STUM: variants seen among roughly 807,000 people sequenced by gnomAD.
The protein encoded by STUM is stum, mechanosensory transduction mediator homolog.
Under a neutral mutation model 15.3 loss-of-function variants are expected in STUM, and 8 were observed. The ratio of observed to expected loss-of-function variants is 0.52; its 90% CI spans 0.31 to 0.94. STUM has a LOEUF of 0.94. STUM is among the 40% of genes least tolerant of loss of function. STUM has a pLI of 0.05. For synonymous variants in STUM, 78 were observed against 88.7 expected (o/e 0.88, Z 0.68); for missense variants, 142 against 204.9 (o/e 0.69, Z 1.87).
rs377528432 is a variant in STUM at position 226,567,246 on chromosome 1, CTG to C, written c.202+18142_202+18143del. On this transcript the variant is annotated intron_variant, in intron 1 of 3. Transcript: ENST00000366788. The surrounding 1 kb of genome is among the most constrained non-coding windows in gnomAD (Gnocchi z 4.5). ...CTTGCTTTCAAAAAGCCTTTGAAGA[CTG>C]TCCGTCCTGGAGCTATCCAACGGGT... Among the ~76,000 whole-genome samples, 15 of 152,324 alleles carry C rather than the reference CTG, an allele frequency of 9.8e-5. No homozygotes were observed. Among genetic ancestry groups the C allele is most frequent in the African/African-American group, 2.6e-4 (11 of 41,588 alleles).
intron 2 of STUM, 59 bp downstream of exon 2, chr1:226,597,040 G>T: frequency 3.3e-6 from 5 of 1,505,376 alleles, no homozygotes; most frequent in South Asian, 1.1e-5. Flanking sequence ...GACAGGAAGG[G>T]CTTGGGAGAC....
rs1668249573 is a variant in STUM, at chr1:226,600,670, C to T, written c.387C>T (p.Ser129=). The change falls in exon 3 of 4, where the codon TCC becomes TCT. Residue 129 remains serine (S), a synonymous_variant. Transcript: ENST00000366788. The surrounding 1 kb of genome is among the most constrained non-coding windows in gnomAD (Gnocchi z 5.2). ...TCCCACTCTGTGCTGCTGCAGTTTC[C>T]CAAGGTGAGTCTGCGGATGGACGTG... ...WGMDMVILAI[S]QGYKEQGIPQ... is the part of the protein sequence containing the mutation. 1.2e-6 allele frequency: 2 copies of T among 1,611,156 alleles called. No individual in the cohort carries two copies. The highest frequency in any genetic ancestry group is 1.7e-6 in the Non-Finnish European group (2 of 1,180,018).
rs531371764 is a variant in STUM at position 226,579,570 on chromosome 1, A to G, written c.203-17232A>G. On this transcript the variant is annotated intron_variant, in intron 1 of 3. Coordinates refer to ENST00000366788, the MANE Select transcript of STUM (RefSeq NM_001003665.4). ...CGTGGAGGCCTCCCCAGGAAGCCTCACTGGCCGAGAAAGAGTTCAGTGGGG... is the reference window on the plus strand; with the variant it reads ...CGTGGAGGCCTCCCCAGGAAGCCTCGCTGGCCGAGAAAGAGTTCAGTGGGG... Among the ~76,000 whole-genome samples, 5 of 152,074 alleles carry G rather than the reference A, an allele frequency of 3.3e-5. No homozygotes were observed. The South Asian group carries it at 1.0e-3, about 32-fold the overall frequency.
chr1:226,562,021 A>C, intron 1 of STUM, among the ~76,000 whole-genome samples: 1 of 136,500 alleles, frequency 7.3e-6, no homozygotes, highest in Non-Finnish European at 1.6e-5. Context: ...GGTTGGGGGG[A>C]AGTGGGGAGT....
rs1388369597 is a variant in STUM at position 226,603,248 on chromosome 1, CA to C, written c.*1212del. On this transcript the variant is annotated 3_prime_UTR_variant, in exon 4 of 4. Coordinates refer to ENST00000366788, the MANE Select transcript of STUM (RefSeq NM_001003665.4). ...ATTACACAAGGACTCCTTCAGTTGC[CA>C]AAAGACCATGGGCCTCTTTAAGGAG... The C allele has an allele frequency of 7.2e-5, 11 of 152,164 alleles. No individual in the cohort carries two copies. Among genetic ancestry groups the C allele is most frequent in the Non-Finnish European group, 1.5e-5 (1 of 68,040 alleles). The allele number at this position is 152,164 out of a possible 1,614,324, so 9.4% of individuals were successfully genotyped here.
chr1:226,596,357 T>C (rs780394311), intron 1 of STUM, among the ~76,000 whole-genome samples: 4 of 152,144 alleles, frequency 2.6e-5, no homozygotes, highest in Non-Finnish European at 4.4e-5. Flanking sequence ...CTCTCCTGAA[T>C]TTACCTCTGA....
intron 1 of STUM, among the ~76,000 whole-genome samples, chr1:226,581,613 T>A (rs896876554): frequency 6.6e-6 from 1 of 152,182 alleles, no homozygotes; most frequent in Non-Finnish European, 1.5e-5. Flanking sequence ...TCTCACTCTG[T>A]TGCCCAGGCT....
intron 1 of STUM, among the ~76,000 whole-genome samples, chr1:226,592,912 G>A (rs768769738): frequency 1.9e-4 from 29 of 152,042 alleles, no homozygotes; most frequent in African/African-American, 3.6e-4. Flanking sequence ...CCACTTGGGC[G>A]CGGTGGCTCG....
chr1:226,577,225 C>T (rs1667831920), intron 1 of STUM, among the ~76,000 whole-genome samples: 1 of 152,210 alleles, frequency 6.6e-6, no homozygotes, highest in Admixed American at 6.5e-5. Context: ...CTTTGAAGGG[C>T]TCACAGCCAG....
chr1:226,598,418 C>G (rs1368631596), intron 2 of STUM, among the ~76,000 whole-genome samples: 5 of 152,212 alleles, frequency 3.3e-5, no homozygotes. Context: ...GAAGGAACCT[C>G]TGCATTAAAG....
At chr1:226,574,671 G>A (rs1667775175) in intron 1 of STUM, among the ~76,000 whole-genome samples, 2 of 152,250 alleles carry the variant, frequency 1.3e-5, no homozygotes, top group African/African-American at 2.4e-5. Flanking sequence ...GTTTCCAGAA[G>A]AGGAACTGAT....
chr1:226,582,078 C>T (rs967234494), intron 1 of STUM, among the ~76,000 whole-genome samples: 1 of 152,214 alleles, frequency 6.6e-6, no homozygotes, highest in Non-Finnish European at 1.5e-5. Flanking sequence ...CCAGAGCTGT[C>T]CCCAGCCTCC....
chr1:226,557,050 C>T (rs1479990783), intron 1 of STUM, among the ~76,000 whole-genome samples: 1 of 152,102 alleles, frequency 6.6e-6, no homozygotes, highest in Non-Finnish European at 1.5e-5. Context: ...CTATATTTAC[C>T]ACACTGTGCA....
intron 1 of STUM, among the ~76,000 whole-genome samples, chr1:226,575,897 A>T (rs1307287168): frequency 6.6e-6 from 1 of 152,240 alleles, no homozygotes; most frequent in Non-Finnish European, 1.5e-5. Context: ...CGTTGGCATC[A>T]GGCCAAGGGC....
chr1:226,592,001 T>A (rs193216571), intron 1 of STUM, among the ~76,000 whole-genome samples: 1 of 152,226 alleles, frequency 6.6e-6, no homozygotes, highest in East Asian at 1.9e-4. Context: ...TCAAGGATAT[T>A]TGAAAACCAT....
At chr1:226,562,212 T>A (rs1417122613) in intron 1 of STUM, among the ~76,000 whole-genome samples, 1 of 152,122 alleles carries the variant, frequency 6.6e-6, no homozygotes, top group Admixed American at 6.5e-5. Context: ...CTCACTTCTG[T>A]AATCCTAGCA....
intron 1 of STUM, among the ~76,000 whole-genome samples, chr1:226,563,751 C>T (rs1052476853): frequency 6.6e-6 from 1 of 152,232 alleles, no homozygotes; most frequent in African/African-American, 2.4e-5. Flanking sequence ...AATCAACAAC[C>T]AGTGACTTTG....
chr1:226,563,499 A>C (rs2102690065), intron 1 of STUM, among the ~76,000 whole-genome samples: 1 of 152,384 alleles, frequency 6.6e-6, no homozygotes, highest in East Asian at 1.9e-4. Context: ...TAACTCAGTT[A>C]AAGTGAGTTC....
chr1:226,579,099 C>T (rs1667871085), intron 1 of STUM, among the ~76,000 whole-genome samples: 1 of 152,170 alleles, frequency 6.6e-6, no homozygotes, highest in African/African-American at 2.4e-5. Flanking sequence ...TCGCCTGGCC[C>T]ATCCCAGTGC....
Sources: gnomAD v4.1 joint callset for allele counts (sites outside exome capture counted in the v4.1 genomes callset) on GRCh38, gnomAD v4.1.1 for gene constraint, Gnocchi (gnomAD v3.1) non-coding constraint, MANE v1.5 for transcripts, NCBI Gene and HGNC (gene_info 2026-07-23, HGNC 2026-07-21) for gene names.